The following OSBPL10 variants were observed in gnomAD, a reference collection of about 807,000 sequenced individuals.
The protein encoded by OSBPL10 is oxysterol-binding protein-related protein 10.
Under a neutral mutation model 81.7 loss-of-function variants are expected in OSBPL10, and 49 were observed. The ratio of observed to expected loss-of-function variants is 0.60; its 90% CI spans 0.48 to 0.76. The LOEUF (loss-of-function observed/expected upper bound fraction) is 0.76. Ranked by LOEUF, OSBPL10 falls within the 30% of genes least tolerant of loss-of-function variation. OSBPL10 has a pLI of 0.00. For synonymous variants in OSBPL10, 419 were observed against 383.6 expected (o/e 1.09, Z -1.08); for missense variants, 923 against 987.8 (o/e 0.93, Z 0.88).
At chr3:31,816,779 G>A (rs1006484536) in intron 4 of OSBPL10, among the ~76,000 whole-genome samples, 3 of 152,116 alleles carry the variant, frequency 2.0e-5, no homozygotes, top group African/African-American at 2.4e-5. Context: ...GACCCGTAGC[G>A]GGTGACTCCT....
chr3:31,894,647 A>G (rs2125665260), intron 1 of OSBPL10, among the ~76,000 whole-genome samples: 1 of 152,302 alleles, frequency 6.6e-6, no homozygotes, highest in African/African-American at 2.4e-5. Flanking sequence ...CTATTTTCCA[A>G]CATCCTCATT....
rs1211096926 is a variant in OSBPL10 at position 32,013,631 on chromosome 3, C to T, written n.298+32860G>A. The stretch of plus-strand genomic sequence containing the variant: ...GAAGGAGATAGAGACACAAAAAACC[C>T]TTCAAAAATTCAATGAATCCAGGAG... On this transcript the variant is annotated intron_variant and non_coding_transcript_variant, in intron 2 of 3. Transcript: ENST00000479173. Among the ~76,000 whole-genome samples the T allele has an allele frequency of 2.6e-5, 4 of 152,202 alleles. No individual in the cohort carries two copies. The East Asian group carries it at 5.8e-4, about 22-fold the overall frequency.
chr3:31,882,925 C>T (rs2125643728), intron 1 of OSBPL10, among the ~76,000 whole-genome samples: 1 of 152,172 alleles, frequency 6.6e-6, no homozygotes, highest in South Asian at 2.1e-4. Flanking sequence ...TGAAATTTGC[C>T]CCTATTCTTT....
rs1487708042 is a variant in OSBPL10, at chr3:32,028,028, G to T, written n.298+18463C>A. Among the ~76,000 whole-genome samples the T allele has an allele frequency of 2.6e-5, 4 of 152,182 alleles. No individual in the cohort carries two copies. In the East Asian group the frequency reaches 7.7e-4, roughly 29 times the overall value. On this transcript the variant is annotated intron_variant and non_coding_transcript_variant, in intron 2 of 3. Transcript: ENST00000479173. Reference sequence around the variant, plus strand: ...CTGGAAGTGAGTGCCACCTGGAAATGAGGAAAACATTGAGAACTTCTTTCT... The same window carrying T: ...CTGGAAGTGAGTGCCACCTGGAAATTAGGAAAACATTGAGAACTTCTTTCT...
intron 2 of OSBPL10, among the ~76,000 whole-genome samples, chr3:31,997,108 A>G (rs959891404): frequency 1.3e-5 from 2 of 152,234 alleles, no homozygotes; most frequent in African/African-American, 4.8e-5. Context: ...TAAATTTACT[A>G]GCACACATTA....
chr3:31,941,606 C>A (rs1697538176), intron 1 of OSBPL10, among the ~76,000 whole-genome samples: 1 of 152,172 alleles, frequency 6.6e-6, no homozygotes, highest in Non-Finnish European at 1.5e-5. Flanking sequence ...TCCCTGCTGA[C>A]CCCAATTTCT....
chr3:32,072,398 A>G (rs1448803538), intron 1 of OSBPL10, among the ~76,000 whole-genome samples: 1 of 152,036 alleles, frequency 6.6e-6, no homozygotes, highest in South Asian at 2.1e-4. Context: ...TCTCCTTCTC[A>G]TCAGTCACTC....
At chr3:31,714,214 C>T (rs555753729) in intron 6 of OSBPL10, 1 of 152,472 alleles carries the variant, frequency 6.6e-6, no homozygotes, top group South Asian at 2.1e-4. Context: ...ATCCTTCCTT[C>T]TCCTCTACTC....
At chr3:31,792,015 G>A (rs1011284384) in intron 4 of OSBPL10, among the ~76,000 whole-genome samples, 1 of 152,168 alleles carries the variant, frequency 6.6e-6, no homozygotes, top group Non-Finnish European at 1.5e-5. Flanking sequence ...GGAGGCCGAG[G>A]TGGGAGGATC....
intron 3 of OSBPL10, among the ~76,000 whole-genome samples, chr3:31,856,330 G>A (rs543640260): frequency 6.3e-4 from 96 of 152,164 alleles, no homozygotes; most frequent in African/African-American, 2.3e-3. Flanking sequence ...TTAATTTGAT[G>A]GTATGTTTAG....
At chr3:31,886,275 G>T (rs1011943066) in intron 1 of OSBPL10, among the ~76,000 whole-genome samples, 1 of 152,136 alleles carries the variant, frequency 6.6e-6, no homozygotes, top group Admixed American at 6.5e-5. Context: ...TCTCTTTAAT[G>T]ACTGAGCAGC....
chr3:31,877,274 A>C (rs1701498707), intron 2 of OSBPL10, among the ~76,000 whole-genome samples: 1 of 152,188 alleles, frequency 6.6e-6, no homozygotes, highest in East Asian at 1.9e-4. Flanking sequence ...ACATTTACAA[A>C]ATAAGCATTC....
chr3:31,946,579 G>T (rs746089678), intron 1 of OSBPL10, among the ~76,000 whole-genome samples: 1 of 152,142 alleles, frequency 6.6e-6, no homozygotes, highest in Non-Finnish European at 1.5e-5. Context: ...GAGCAATTGC[G>T]GGAGGCACAG....
At chr3:31,709,726 C>T (rs904227539) in intron 6 of OSBPL10, among the ~76,000 whole-genome samples, 37 of 152,174 alleles carry the variant, frequency 2.4e-4, no homozygotes, top group African/African-American at 8.4e-4. Flanking sequence ...CAACTGCCAG[C>T]GTGCAGAATC....
Position 31,841,012 on chromosome 3 carries a change from G to A in OSBPL10, c.538-10781C>T, listed in dbSNP as rs575370208. ...CAACCTCCGCCTCCTAGGTTCAAGC[G>A]ATTTTCTTGCCTCAGCCTCCCCTGT... On this transcript the variant is annotated intron_variant, in intron 3 of 11. Transcript: ENST00000396556. Among the ~76,000 whole-genome samples, 20 of 152,292 alleles carry A rather than the reference G, an allele frequency of 1.3e-4. 1 individual carries two copies. The highest frequency in any genetic ancestry group is 4.1e-4 in the African/African-American group (17 of 41,570).
intron 2 of OSBPL10, among the ~76,000 whole-genome samples, chr3:32,012,359 G>C (rs1398137712): frequency 6.6e-6 from 1 of 152,126 alleles, no homozygotes; most frequent in Non-Finnish European, 1.5e-5. Flanking sequence ...ATAAGTGAAG[G>C]AGAAATAAAA....
chr3:31,871,921 T>C (rs932555136), intron 3 of OSBPL10, among the ~76,000 whole-genome samples: 3 of 152,204 alleles, frequency 2.0e-5, no homozygotes, highest in Non-Finnish European at 2.9e-5. Flanking sequence ...TTGCATTTCT[T>C]GCATTTAAGA....
At chr3:32,059,458 G>A (rs185531337) in intron 1 of OSBPL10, among the ~76,000 whole-genome samples, 2 of 151,866 alleles carry the variant, frequency 1.3e-5, no homozygotes, top group East Asian at 3.9e-4. Flanking sequence ...AGGCGTGGTG[G>A]TGGGCACCTA....
chr3:31,910,683 CAG>C (rs1191009048), intron 1 of OSBPL10, among the ~76,000 whole-genome samples: 1 of 151,888 alleles, frequency 6.6e-6, no homozygotes, highest in East Asian at 1.9e-4. Flanking sequence ...TCTGGGAAGC[CAG>C]AGAGTCTCCT....
Sources: gnomAD v4.1 joint callset for allele counts (sites outside exome capture counted in the v4.1 genomes callset) on GRCh38, gnomAD v4.1.1 for gene constraint, MANE v1.5 for transcripts, NCBI Gene and HGNC (gene_info 2026-07-23, HGNC 2026-07-21) for gene names.